The following CAMK1D variants were observed in gnomAD, a reference collection of about 807,000 sequenced individuals.
The protein encoded by CAMK1D is calcium/calmodulin-dependent protein kinase type 1D.
Under a neutral mutation model 47.7 loss-of-function variants are expected in CAMK1D, and 9 were observed. The ratio of observed to expected loss-of-function variants is 0.19; its 90% CI spans 0.11 to 0.33. The LOEUF (loss-of-function observed/expected upper bound fraction) is 0.33. CAMK1D is among the 10% of genes least tolerant of loss of function. The probability of loss-of-function intolerance (pLI) is 1.00; values close to 1 mark genes in which losing one functional copy is unlikely to be tolerated. For synonymous variants in CAMK1D, 184 were observed against 184.9 expected (o/e 0.99, Z 0.04); for missense variants, 291 against 488.7 (o/e 0.60, Z 3.81).
intron 3 of CAMK1D, among the ~76,000 whole-genome samples, chr10:12,734,932 A>T (rs1447028496): frequency 6.6e-6 from 1 of 152,218 alleles, no homozygotes; most frequent in Admixed American, 6.5e-5. Flanking sequence ...GCCACAGAAT[A>T]AACATTCAGT....
chr10:12,714,761 T>TACACAC (rs55827922), intron 3 of CAMK1D, among the ~76,000 whole-genome samples: 9,635 of 130,374 alleles, frequency 0.074, 421 homozygotes, highest in African/African-American at 0.1. Flanking sequence ...TACATTAAAT[T>TACACAC]ACACACACAC....
At position 12,680,052 on chromosome 10, in the gene CAMK1D, G is replaced by T. The variant is rs547121365; in HGVS notation, c.299+13242G>T. On this transcript the variant is annotated intron_variant, in intron 3 of 10. Transcript: ENST00000619168. ...TAAAATTCTGTAACATCTTAAATCTGTACTAATCATTACACATCATCATAT... is the reference window on the plus strand; with the variant it reads ...TAAAATTCTGTAACATCTTAAATCTTTACTAATCATTACACATCATCATAT... Among the ~76,000 whole-genome samples the T allele has an allele frequency of 2.9e-4, 44 of 152,274 alleles. 1 individual carries two copies. The South Asian group carries it at 8.9e-3, about 31-fold the overall frequency.
At chr10:12,450,374 A>G (rs903627687) in intron 1 of CAMK1D, among the ~76,000 whole-genome samples, 5 of 152,196 alleles carry the variant, frequency 3.3e-5, no homozygotes, top group Non-Finnish European at 5.9e-5. Flanking sequence ...TCAGGTTTAT[A>G]TAAGCGTGAA....
intron 2 of CAMK1D, among the ~76,000 whole-genome samples, chr10:12,598,736 T>C (rs1838217173): frequency 6.6e-6 from 1 of 152,236 alleles, no homozygotes; most frequent in Non-Finnish European, 1.5e-5. Flanking sequence ...AGGTGGTCCA[T>C]TGAGCTTGTG....
intron 1 of CAMK1D, among the ~76,000 whole-genome samples, chr10:12,385,333 A>G (rs1403163646): frequency 1.3e-5 from 2 of 152,238 alleles, no homozygotes; most frequent in African/African-American, 2.4e-5. Context: ...GTAGCCAAAG[A>G]GCAGAAACAA....
At chr10:12,351,600 A>G (rs988396410) in intron 1 of CAMK1D, among the ~76,000 whole-genome samples, 10 of 152,120 alleles carry the variant, frequency 6.6e-5, no homozygotes, top group African/African-American at 1.9e-4. Flanking sequence ...CCTCCGGGTG[A>G]CTGATGCCCT....
At chr10:12,808,527 C>A (rs927024264) in intron 6 of CAMK1D, among the ~76,000 whole-genome samples, 2 of 152,208 alleles carry the variant, frequency 1.3e-5, no homozygotes, top group Non-Finnish European at 1.5e-5. Context: ...TGGCTCACAG[C>A]AGCACTTTGG....
chr10:12,728,672 A>G (rs953684458), intron 3 of CAMK1D, among the ~76,000 whole-genome samples: 6 of 152,220 alleles, frequency 3.9e-5, no homozygotes, highest in Admixed American at 3.3e-4. Flanking sequence ...AGGATGAGGC[A>G]GATCGGTTTC....
intron 3 of CAMK1D, among the ~76,000 whole-genome samples, chr10:12,735,337 G>T (rs938664198): frequency 6.6e-6 from 1 of 152,158 alleles, no homozygotes; most frequent in Non-Finnish European, 1.5e-5. Context: ...AATTAGCCGG[G>T]CGTGGTGGCG....
intron 2 of CAMK1D, among the ~76,000 whole-genome samples, chr10:12,603,539 CT>C (rs1564439464): frequency 6.6e-6 from 1 of 152,216 alleles, no homozygotes; most frequent in East Asian, 1.9e-4. Context: ...TCTCACCTGC[CT>C]TCCTCCAGTC....
chr10:12,559,554 C>G (rs2132286951), intron 2 of CAMK1D, among the ~76,000 whole-genome samples: 1 of 152,242 alleles, frequency 6.6e-6, no homozygotes, highest in Admixed American at 6.5e-5. Context: ...TGTCCGCAGG[C>G]AGAAACACAA....
rs1355685499 is a variant in CAMK1D at position 12,389,638 on chromosome 10, G to A, written c.92+39728G>A. On this transcript the variant is annotated intron_variant, in intron 1 of 10. Transcript: ENST00000619168. Reference sequence around the variant, plus strand: ...AGGCTGGAGGGCCGGTTTTAGTAACGTGCCCTTTCCTGGTTGGCGACCGTC... The same window carrying A: ...AGGCTGGAGGGCCGGTTTTAGTAACATGCCCTTTCCTGGTTGGCGACCGTC... Among the ~76,000 whole-genome samples the A allele has an allele frequency of 3.9e-5, 6 of 152,228 alleles. No individual in the cohort carries two copies. The East Asian group carries it at 9.7e-4, about 25-fold the overall frequency.
At chr10:12,354,941 A>G (rs1446352837) in intron 1 of CAMK1D, among the ~76,000 whole-genome samples, 2 of 150,690 alleles carry the variant, frequency 1.3e-5, no homozygotes, top group Non-Finnish European at 2.9e-5. Flanking sequence ...TCCTGGGCTC[A>G]AGTGATTCTC....
intron 1 of CAMK1D, among the ~76,000 whole-genome samples, chr10:12,491,128 A>G (rs182151745): frequency 2.3e-3 from 348 of 151,282 alleles, no homozygotes; most frequent in Non-Finnish European, 4.1e-3. Flanking sequence ...TTGTAACTGC[A>G]TCACTGGAGG....
At chr10:12,508,037 G>A (rs900599339) in intron 1 of CAMK1D, among the ~76,000 whole-genome samples, 1 of 152,204 alleles carries the variant, frequency 6.6e-6, no homozygotes, top group African/African-American at 2.4e-5. Flanking sequence ...TGACAGGCCT[G>A]GGGTAGGACT....
intron 5 of CAMK1D, among the ~76,000 whole-genome samples, chr10:12,771,216 C>A (rs1354791847): frequency 6.6e-6 from 1 of 152,192 alleles, no homozygotes; most frequent in Non-Finnish European, 1.5e-5. Context: ...AGGCATGAGC[C>A]GCCGCGCCTG....
intron 3 of CAMK1D, among the ~76,000 whole-genome samples, chr10:12,712,826 C>T (rs1284919301): frequency 4.6e-5 from 7 of 152,100 alleles, no homozygotes; most frequent in Admixed American, 2.0e-4. Flanking sequence ...TTATCTCCCC[C>T]GCCTACACAC....
chr10:12,552,220 C>G (rs1836606714), intron 1 of CAMK1D, among the ~76,000 whole-genome samples: 1 of 152,192 alleles, frequency 6.6e-6, no homozygotes, highest in Admixed American at 6.5e-5. Flanking sequence ...CCCAGATGTT[C>G]TGGTTTTAGT....
At chr10:12,691,395 ATATATATAAATATATATATATATATATT>A (rs1832904489) in intron 3 of CAMK1D, among the ~76,000 whole-genome samples, 10 of 7,104 alleles carry the variant, frequency 1.4e-3, no homozygotes, top group African/African-American at 4.0e-3. Flanking sequence ...ATATATATAT[ATATATATAAATATATATATATATATATT>A]TTTTTTTTTT....
Sources: gnomAD v4.1 joint callset for allele counts (sites outside exome capture counted in the v4.1 genomes callset) on GRCh38, gnomAD v4.1.1 for gene constraint, MANE v1.5 for transcripts, NCBI Gene and HGNC (gene_info 2026-07-23, HGNC 2026-07-21) for gene names.